Variants in PRKG1 observed in about 807,000 individuals in gnomAD.
PRKG1 encodes protein kinase cGMP-dependent 1.
Under a neutral mutation model 88.1 loss-of-function variants are expected in PRKG1, and 35 were observed. The ratio of observed to expected loss-of-function variants is 0.40; its 90% CI spans 0.30 to 0.53. The LOEUF is 0.53. Ranked by LOEUF, PRKG1 falls within the 20% of genes least tolerant of loss-of-function variation. The probability of loss-of-function intolerance (pLI) is 0.59; values close to 1 mark genes in which losing one functional copy is unlikely to be tolerated. For missense variants in PRKG1, 540 were observed against 839.8 expected, an observed-to-expected ratio of 0.64 and a Z score of 4.41; for synonymous variants, 303 against 292.5, an observed-to-expected ratio of 1.04 and a Z score of -0.37.
intron 4 of PRKG1, among the ~76,000 whole-genome samples, chr10:51,809,349 A>G (rs1233682058): frequency 6.6e-6 from 1 of 152,190 alleles, no homozygotes; most frequent in Non-Finnish European, 1.5e-5. Context: ...CTATAAGTCA[A>G]ACGATGATTT....
intron 2 of PRKG1, among the ~76,000 whole-genome samples, chr10:51,225,690 T>C (rs1209176809): frequency 2.0e-5 from 3 of 152,114 alleles, no homozygotes; most frequent in Non-Finnish European, 2.9e-5. Context: ...TATTTCTCTA[T>C]AGTGAAGGTG....
chr10:51,283,652 A>C (rs1336587026), intron 2 of PRKG1, among the ~76,000 whole-genome samples: 1 of 152,200 alleles, frequency 6.6e-6, no homozygotes, highest in African/African-American at 2.4e-5. Context: ...TGGAGAAGAC[A>C]CTGAGAGTAT....
chr10:52,018,037 G>T (rs988329515), intron 5 of PRKG1, among the ~76,000 whole-genome samples: 1 of 150,776 alleles, frequency 6.6e-6, no homozygotes, highest in Non-Finnish European at 1.5e-5. Context: ...GCCTAATTAC[G>T]CAGTATTTTT....
chr10:51,394,202 G>A (rs1837516908), intron 2 of PRKG1, among the ~76,000 whole-genome samples: 1 of 152,182 alleles, frequency 6.6e-6, no homozygotes, highest in Non-Finnish European at 1.5e-5. Flanking sequence ...GCTAGGGTGA[G>A]TTGATGATTA....
At chr10:51,879,890 G>A (rs1017295550) in intron 4 of PRKG1, among the ~76,000 whole-genome samples, 7 of 152,198 alleles carry the variant, frequency 4.6e-5, no homozygotes, top group African/African-American at 1.2e-4. Context: ...ATCCCACAGC[G>A]GGCCACTATG....
At chr10:51,000,788 A>C (rs1842881294) in intron 1 of PRKG1, among the ~76,000 whole-genome samples, 1 of 152,128 alleles carries the variant, frequency 6.6e-6, no homozygotes, top group East Asian at 1.9e-4. Context: ...ATTGTGCGTA[A>C]TGTCAATAAG....
intron 3 of PRKG1, among the ~76,000 whole-genome samples, chr10:51,543,886 G>A (rs1487959629): frequency 6.6e-6 from 1 of 152,096 alleles, no homozygotes; most frequent in East Asian, 1.9e-4. Context: ...ACAGGGATTT[G>A]GAAAACTCTC....
chr10:51,324,928 T>C (rs1841550447), intron 2 of PRKG1, among the ~76,000 whole-genome samples: 1 of 152,240 alleles, frequency 6.6e-6, no homozygotes, highest in African/African-American at 2.4e-5. Flanking sequence ...GTAGTAGTTC[T>C]CTTTTTAGGC....
chr10:52,106,239 A>G (rs901524195), intron 7 of PRKG1, among the ~76,000 whole-genome samples: 1 of 152,188 alleles, frequency 6.6e-6, no homozygotes, highest in South Asian at 2.1e-4. Flanking sequence ...CCTGTTGGAG[A>G]TGTTGGAAAA....
intron 4 of PRKG1, among the ~76,000 whole-genome samples, chr10:51,893,264 C>A (rs1247169208): frequency 6.6e-6 from 1 of 152,048 alleles, no homozygotes; most frequent in Non-Finnish European, 1.5e-5. Context: ...AAATGTTTCT[C>A]TTCTGAATTC....
intron 9 of PRKG1, among the ~76,000 whole-genome samples, chr10:52,227,783 A>G (rs1048102443): frequency 6.6e-6 from 1 of 152,204 alleles, no homozygotes; most frequent in African/African-American, 2.4e-5. Flanking sequence ...ACAACAAAAC[A>G]TAGAACTTTA....
At chr10:51,769,587 T>C (rs73347232) in intron 3 of PRKG1, among the ~76,000 whole-genome samples, 132 of 152,300 alleles carry the variant, frequency 8.7e-4, no homozygotes, top group African/African-American at 2.9e-3. Flanking sequence ...CAAGGTGTTA[T>C]GACATATTAA....
chr10:52,061,542 T>C (rs780340475), intron 6 of PRKG1, among the ~76,000 whole-genome samples: 15 of 152,220 alleles, frequency 9.9e-5, no homozygotes, highest in African/African-American at 1.9e-4. Flanking sequence ...TTTTCATTCA[T>C]GCAACAAAAA....
intron 1 of PRKG1, among the ~76,000 whole-genome samples, chr10:51,069,379 T>C (rs1434498627): frequency 6.6e-6 from 1 of 152,014 alleles, no homozygotes; most frequent in African/African-American, 2.4e-5. Context: ...TAAACACAAT[T>C]ATAAAACTAG....
At chr10:51,218,586 G>T (rs1018275445) in intron 2 of PRKG1, among the ~76,000 whole-genome samples, 1 of 136,926 alleles carries the variant, frequency 7.3e-6, no homozygotes, top group Non-Finnish European at 1.6e-5. Flanking sequence ...ATATGTATTT[G>T]GCATTTACAT....
chr10:51,570,337 T>C (rs1225131622), intron 3 of PRKG1, among the ~76,000 whole-genome samples: 1 of 151,898 alleles, frequency 6.6e-6, no homozygotes, highest in Non-Finnish European at 1.5e-5. Flanking sequence ...ATGTATTATA[T>C]ACTGTATTCT....
chr10:51,709,337 T>C (rs974196544), intron 3 of PRKG1, among the ~76,000 whole-genome samples: 2 of 152,162 alleles, frequency 1.3e-5, no homozygotes, highest in African/African-American at 2.4e-5. Context: ...TTCTTGACAG[T>C]TTAATGACAA....
intron 2 of PRKG1, among the ~76,000 whole-genome samples, chr10:51,436,081 A>G (rs1838919149): frequency 6.6e-6 from 1 of 152,032 alleles, no homozygotes; most frequent in Admixed American, 6.6e-5. Context: ...TTCAACAAGT[A>G]CTGTAACCTT....
At chr10:52,087,804 A>G (rs531813460) in intron 7 of PRKG1, among the ~76,000 whole-genome samples, 1 of 152,308 alleles carries the variant, frequency 6.6e-6, no homozygotes, top group East Asian at 1.9e-4. Context: ...GTAGTTAAGA[A>G]TTCTCTTATT....
Sources: allele counts gnomAD v4.1 joint callset (sites outside exome capture counted in the v4.1 genomes callset), GRCh38; gene constraint gnomAD v4.1.1; transcripts MANE v1.5; gene names NCBI Gene and HGNC (gene_info 2026-07-23, HGNC 2026-07-21).